SRPK2: variants seen among roughly 807,000 people sequenced by gnomAD.
SRPK2 encodes SFRS protein kinase 2.
Under a neutral mutation model 90.8 loss-of-function variants are expected in SRPK2, and 21 were observed. The ratio of observed to expected loss-of-function variants is 0.23; its 90% CI spans 0.16 to 0.33. SRPK2 has a LOEUF of 0.33. SRPK2 is among the 10% of genes least tolerant of loss of function. SRPK2 has a pLI of 1.00. For missense variants in SRPK2, 620 were observed against 869.0 expected, an observed-to-expected ratio of 0.71 and a Z score of 3.60; for synonymous variants, 288 against 311.1, an observed-to-expected ratio of 0.93 and a Z score of 0.78.
intron 2 of SRPK2, among the ~76,000 whole-genome samples, chr7:105,373,280 A>G (rs905554515): frequency 2.0e-5 from 3 of 152,270 alleles, no homozygotes; most frequent in East Asian, 3.9e-4. Context: ...GCCATCAACG[A>G]TAAACAAACG....
chr7:105,363,362 G>C (rs112539778), intron 2 of SRPK2, among the ~76,000 whole-genome samples: 63,861 of 151,856 alleles, frequency 0.42, 15,374 homozygotes, highest in Non-Finnish European at 0.54. Context: ...CAAAAAGAGG[G>C]CAAAGGATAT....
intron 2 of SRPK2, among the ~76,000 whole-genome samples, chr7:105,294,673 G>A (rs573675746): frequency 6.6e-6 from 1 of 151,906 alleles, no homozygotes; most frequent in Non-Finnish European, 1.5e-5. Context: ...TTATAGACGC[G>A]CACCACCATG....
intron 2 of SRPK2, among the ~76,000 whole-genome samples, chr7:105,306,098 C>T (rs1296071061): frequency 6.6e-6 from 1 of 152,102 alleles, no homozygotes; most frequent in Non-Finnish European, 1.5e-5. Context: ...CTTCTACATG[C>T]TTAGAAAACC....
intron 13 of SRPK2, among the ~76,000 whole-genome samples, chr7:105,130,810 A>C (rs1215482845): frequency 6.6e-6 from 1 of 152,026 alleles, no homozygotes; most frequent in African/African-American, 2.4e-5. Context: ...TTCCAAAAAA[A>C]AAAAAACCTC....
intron 3 of SRPK2, among the ~76,000 whole-genome samples, chr7:105,190,530 T>C (rs1041418867): frequency 6.6e-6 from 1 of 152,214 alleles, no homozygotes; most frequent in African/African-American, 2.4e-5. Context: ...TTATATGATC[T>C]GTTTTACCTA....
At chr7:105,376,841 C>G (rs28427071) in intron 2 of SRPK2, among the ~76,000 whole-genome samples, 3 of 98,190 alleles carry the variant, frequency 3.1e-5, no homozygotes, top group South Asian at 4.7e-4. Flanking sequence ...CCCGCCCCCC[C>G]ACCCCCCTTT....
chr7:105,343,522 A>G (rs1816076567), intron 2 of SRPK2, among the ~76,000 whole-genome samples: 1 of 152,238 alleles, frequency 6.6e-6, no homozygotes, highest in African/African-American at 2.4e-5. Context: ...GGTGAAGGCC[A>G]GGAAATCTGC....
At chr7:105,243,649 AAC>A (rs58025283) in intron 2 of SRPK2, among the ~76,000 whole-genome samples, 20,771 of 143,610 alleles carry the variant, frequency 0.14, 1,696 homozygotes, top group East Asian at 0.47. Flanking sequence ...AAAAAAAAAA[AAC>A]CACATGCCAA....
chr7:105,271,647 T>G (rs570376003), intron 2 of SRPK2, among the ~76,000 whole-genome samples: 1 of 152,164 alleles, frequency 6.6e-6, no homozygotes, highest in Admixed American at 6.5e-5. Context: ...CATACTGATA[T>G]GACTTATTAG....
At chr7:105,296,034 T>C (rs1374979519) in intron 2 of SRPK2, among the ~76,000 whole-genome samples, 1 of 152,090 alleles carries the variant, frequency 6.6e-6, no homozygotes, top group Non-Finnish European at 1.5e-5. Flanking sequence ...GGGTTGCTAA[T>C]AAATGGCTTG....
At chr7:105,254,771 C>A (rs1563151836) in intron 2 of SRPK2, among the ~76,000 whole-genome samples, 1 of 151,966 alleles carries the variant, frequency 6.6e-6, no homozygotes, top group Non-Finnish European at 1.5e-5. Flanking sequence ...CTCGCTGTAG[C>A]CTTTGCCTAC....
intron 4 of SRPK2, 60 bp downstream of exon 4, chr7:105,169,097 T>C: frequency 1.4e-6 from 2 of 1,458,278 alleles, no homozygotes; most frequent in South Asian, 2.3e-5. Flanking sequence ...CATACCTTCT[T>C]AGAACACAGA....
At chr7:105,298,847 G>A in intron 2 of SRPK2, 3 of 953,972 alleles carry the variant, frequency 3.1e-6, no homozygotes, top group Non-Finnish European at 3.7e-6. Flanking sequence ...AAGAGAACCT[G>A]TGACAGCAGT....
chr7:105,256,438 C>T (rs1473331280), intron 2 of SRPK2, among the ~76,000 whole-genome samples: 1 of 152,188 alleles, frequency 6.6e-6, no homozygotes, highest in Non-Finnish European at 1.5e-5. Flanking sequence ...TCACTGTAAC[C>T]TCAAACTCCC....
At chr7:105,216,338 A>T (rs1386913517) in intron 2 of SRPK2, among the ~76,000 whole-genome samples, 1 of 152,186 alleles carries the variant, frequency 6.6e-6, no homozygotes, top group Non-Finnish European at 1.5e-5. Context: ...TGGAGCAACA[A>T]GCCAATAATG....
At chr7:105,277,506 C>T (rs960214735) in intron 2 of SRPK2, among the ~76,000 whole-genome samples, 2 of 152,196 alleles carry the variant, frequency 1.3e-5, no homozygotes, top group Non-Finnish European at 2.9e-5. Flanking sequence ...AACTGACTGA[C>T]TCATAAGTGA....
chr7:105,243,124 CCA>C (rs1206088716), intron 2 of SRPK2, among the ~76,000 whole-genome samples: 1 of 152,082 alleles, frequency 6.6e-6, no homozygotes, highest in African/African-American at 2.4e-5. Flanking sequence ...ACCTCAGCCT[CCA>C]GAGTAGCTGG....
chr7:105,173,921 TG>T (rs1241242283), intron 3 of SRPK2, among the ~76,000 whole-genome samples: 5 of 142,900 alleles, frequency 3.5e-5, no homozygotes, highest in South Asian at 2.1e-4. Flanking sequence ...TGTGTGTTGG[TG>T]TTTTTTTTTT....
intron 1 of SRPK2, among the ~76,000 whole-genome samples, chr7:105,397,791 C>A (rs1482704531): frequency 6.6e-6 from 1 of 151,966 alleles, no homozygotes; most frequent in East Asian, 1.9e-4. Flanking sequence ...TTACAGGCAC[C>A]TAGCACCATG....
Sources: gnomAD v4.1 joint callset for allele counts (sites outside exome capture counted in the v4.1 genomes callset) on GRCh38, gnomAD v4.1.1 for gene constraint, MANE v1.5 for transcripts, NCBI Gene and HGNC (gene_info 2026-07-23, HGNC 2026-07-21) for gene names.